The following SLC39A11 variants were observed in gnomAD, a reference collection of about 807,000 sequenced individuals.
The protein encoded by SLC39A11 is solute carrier family 39 member 11.
SLC39A11 carries 33 observed loss-of-function variants against 36.1 expected under a neutral mutation model. The observed-to-expected ratio is 0.91, with a 90% confidence interval of 0.69 to 1.22. The LOEUF (loss-of-function observed/expected upper bound fraction) is 1.22, where lower values mean the gene tolerates loss of function less well. Among genes scored for constraint, SLC39A11 ranks in the 50% most tolerant of loss-of-function variants. SLC39A11 has a pLI of 0.00. For synonymous variants in SLC39A11, 166 were observed against 170.3 expected, an observed-to-expected ratio of 0.97 and a Z score of 0.20; for missense variants, 432 against 430.3, an observed-to-expected ratio of 1.00 and a Z score of -0.03.
intron 7 of SLC39A11, among the ~76,000 whole-genome samples, chr17:72,654,158 G>A (rs1211462413): frequency 1.3e-5 from 2 of 152,134 alleles, no homozygotes; most frequent in African/African-American, 4.8e-5. Flanking sequence ...CAGGACAAAA[G>A]GGTCAGGAGC....
intron 4 of SLC39A11, among the ~76,000 whole-genome samples, chr17:72,961,501 A>G (rs984421646): frequency 6.6e-6 from 1 of 151,470 alleles, no homozygotes; most frequent in African/African-American, 2.4e-5. Context: ...ATGTCCATCA[A>G]TGACAGACTG....
chr17:72,979,505 C>T (rs565052276), intron 4 of SLC39A11, among the ~76,000 whole-genome samples: 3 of 152,170 alleles, frequency 2.0e-5, no homozygotes, highest in East Asian at 1.9e-4. Context: ...GGATGAGGGA[C>T]GGATAGAGAC....
intron 6 of SLC39A11, among the ~76,000 whole-genome samples, chr17:72,747,906 A>G (rs1284466543): frequency 3.9e-5 from 6 of 152,232 alleles, no homozygotes; most frequent in Non-Finnish European, 8.8e-5. Flanking sequence ...TTTTCTTGAA[A>G]AAGTAGTTTG....
chr17:72,670,975 C>A (rs1382363099), intron 7 of SLC39A11, among the ~76,000 whole-genome samples: 1 of 152,162 alleles, frequency 6.6e-6, no homozygotes, highest in Admixed American at 6.6e-5. Context: ...CATACTGTGA[C>A]AGTTGCAGAT....
chr17:72,657,133 G>A (rs2070165729), intron 7 of SLC39A11, among the ~76,000 whole-genome samples: 2 of 152,112 alleles, frequency 1.3e-5, no homozygotes, highest in Non-Finnish European at 2.9e-5. Context: ...AGGCAGAGGT[G>A]GGCAGATCAT....
intron 6 of SLC39A11, among the ~76,000 whole-genome samples, chr17:72,810,707 A>G (rs953558430): frequency 7.3e-5 from 11 of 151,430 alleles, no homozygotes; most frequent in African/African-American, 2.4e-4. Context: ...TTTTTTTAAG[A>G]CAAAGTCTCA....
At chr17:72,789,768 C>G (rs559479833) in intron 6 of SLC39A11, among the ~76,000 whole-genome samples, 127 of 152,330 alleles carry the variant, frequency 8.3e-4, no homozygotes, top group African/African-American at 2.9e-3. Flanking sequence ...GAAATCCAGG[C>G]ATCAATATCC....
At chr17:72,882,389 C>T in intron 5 of SLC39A11, among the ~76,000 whole-genome samples, 1 of 147,904 alleles carries the variant, frequency 6.8e-6, no homozygotes, top group East Asian at 2.0e-4. Context: ...AATGCTCTTT[C>T]AACTTTCTTT....
chr17:72,723,175 C>T (rs1326360571), intron 7 of SLC39A11, among the ~76,000 whole-genome samples: 1 of 152,150 alleles, frequency 6.6e-6, no homozygotes, highest in Non-Finnish European at 1.5e-5. Flanking sequence ...CAGTAAGGGC[C>T]GAGTGCTCAG....
chr17:72,768,258 A>G (rs2714009), intron 6 of SLC39A11, among the ~76,000 whole-genome samples: 10,553 of 152,334 alleles, frequency 0.069, 605 homozygotes, highest in East Asian at 0.23. Flanking sequence ...CGGCCTTTCA[A>G]TAGCCTCACA....
intron 7 of SLC39A11, among the ~76,000 whole-genome samples, chr17:72,735,558 TG>T (rs557187025): frequency 1.6e-4 from 25 of 152,320 alleles, no homozygotes; most frequent in African/African-American, 3.4e-4. Context: ...GCCACTGCAC[TG>T]AGTTATGTTT....
chr17:72,913,631 C>A (rs1040087857), intron 5 of SLC39A11, among the ~76,000 whole-genome samples: 4 of 152,076 alleles, frequency 2.6e-5, no homozygotes, highest in African/African-American at 9.7e-5. Context: ...GAGAGCACAG[C>A]AAGTGTATGT....
At chr17:72,649,443 G>C (rs968790789) in intron 7 of SLC39A11, among the ~76,000 whole-genome samples, 175 bp from the exon 8 acceptor site, 2 of 152,204 alleles carry the variant, frequency 1.3e-5, no homozygotes, top group Non-Finnish European at 2.9e-5. Flanking sequence ...AAAGAGCAGG[G>C]GCTGCAGGAG....
intron 4 of SLC39A11, among the ~76,000 whole-genome samples, chr17:72,964,226 A>C (rs369371512): frequency 3.9e-5 from 6 of 152,354 alleles, no homozygotes; most frequent in Admixed American, 2.0e-4. Context: ...TTCCCAGACC[A>C]CTGCAGGACA....
intron 4 of SLC39A11, among the ~76,000 whole-genome samples, chr17:72,975,533 T>A (rs575516877): frequency 8.5e-5 from 13 of 152,324 alleles, no homozygotes; most frequent in African/African-American, 2.6e-4. Flanking sequence ...AGTGAGAAGG[T>A]GCCCTCTATG....
chr17:72,964,847 C>T (rs1310740628), intron 4 of SLC39A11, among the ~76,000 whole-genome samples: 3 of 152,158 alleles, frequency 2.0e-5, no homozygotes, highest in Non-Finnish European at 4.4e-5. Context: ...GACTTGGAAC[C>T]AACCCAAATG....
intron 5 of SLC39A11, among the ~76,000 whole-genome samples, chr17:72,944,933 C>T (rs1033326182): frequency 1.3e-5 from 2 of 152,068 alleles, no homozygotes; most frequent in Admixed American, 1.3e-4. Flanking sequence ...AAACTAGAAA[C>T]GATGTTTGTG....
intron 6 of SLC39A11, among the ~76,000 whole-genome samples, chr17:72,807,962 T>C (rs2077315563): frequency 6.6e-6 from 1 of 151,956 alleles, no homozygotes; most frequent in African/African-American, 2.4e-5. Flanking sequence ...TCTGACACGA[T>C]CTCCAGGTGG....
chr17:73,028,885 A>T (rs2058650019), intron 4 of SLC39A11, among the ~76,000 whole-genome samples: 2 of 151,984 alleles, frequency 1.3e-5, no homozygotes, highest in African/African-American at 4.8e-5. Context: ...TGGGAGGCTA[A>T]GGTGGGAGGA....
Sources: gnomAD v4.1 joint callset for allele counts (sites outside exome capture counted in the v4.1 genomes callset) on GRCh38, gnomAD v4.1.1 for gene constraint, MANE v1.5 for transcripts, NCBI Gene and HGNC (gene_info 2026-07-23, HGNC 2026-07-21) for gene names.